RAPGEF6: variants seen among roughly 807,000 people sequenced by gnomAD.
RAPGEF6 encodes PDZ domain containing guanine nucleotide exchange factor (GEF) 2.
Under a neutral mutation model 171.4 loss-of-function variants are expected in RAPGEF6, and 56 were observed. The ratio of observed to expected loss-of-function variants is 0.33; its 90% CI spans 0.26 to 0.41. The LOEUF (loss-of-function observed/expected upper bound fraction) is 0.41. Among genes scored for constraint, RAPGEF6 ranks in the 10% least tolerant of loss-of-function variants. The pLI, the probability that RAPGEF6 is intolerant of heterozygous loss-of-function variation, is 1.00. For missense variants in RAPGEF6, 1,674 were observed against 1,921.4 expected, an observed-to-expected ratio of 0.87 and a Z score of 2.41; for synonymous variants, 692 against 650.1, an observed-to-expected ratio of 1.06 and a Z score of -0.98.
At chr5:131,515,369 A>T (rs1758004573) in intron 7 of RAPGEF6, among the ~76,000 whole-genome samples, 1 of 152,238 alleles carries the variant, frequency 6.6e-6, no homozygotes, top group Non-Finnish European at 1.5e-5. Flanking sequence ...GCAGGCAGGC[A>T]AAATCAAGTC....
At chr5:131,593,489 G>A (rs1561590138) in intron 3 of RAPGEF6, among the ~76,000 whole-genome samples, 5 of 152,168 alleles carry the variant, frequency 3.3e-5, no homozygotes, top group South Asian at 4.1e-4. Context: ...ACTGGGTAAC[G>A]GGCAGAGGCT....
At chr5:131,458,942 C>T (rs1166313317) in intron 19 of RAPGEF6, among the ~76,000 whole-genome samples, 2 of 152,172 alleles carry the variant, frequency 1.3e-5, no homozygotes, top group South Asian at 2.1e-4. Flanking sequence ...CGTGAGCCAC[C>T]GCGCCCAGAC....
Position 131,630,520 on chromosome 5 carries a change from T to C in RAPGEF6, c.69+4442A>G, listed in dbSNP as rs1766234475. On this transcript the variant is annotated intron_variant, in intron 1 of 27. Coordinates refer to ENST00000509018, the MANE Select transcript of RAPGEF6 (RefSeq NM_016340.6). ...TTAGTGCACTTAATTGTCCATGGAG[T>C]ATTTAAGTCTGAAATTTTCCATAAG... Among the ~76,000 whole-genome samples the C allele has an allele frequency of 2.6e-5, 4 of 152,262 alleles. No individual in the cohort carries two copies. The South Asian group carries it at 8.3e-4, about 32-fold the overall frequency.
At chr5:131,432,699 G>T (rs1460787505) in intron 25 of RAPGEF6, among the ~76,000 whole-genome samples, 3 of 148,946 alleles carry the variant, frequency 2.0e-5, no homozygotes, top group Non-Finnish European at 4.4e-5. Context: ...GTTGTCTATG[G>T]CTATTCTGGT....
chr5:131,570,942 CTT>C (rs767023216), intron 4 of RAPGEF6, among the ~76,000 whole-genome samples: 22 of 128,516 alleles, frequency 1.7e-4, no homozygotes, highest in African/African-American at 2.4e-4. Context: ...TCCCCAACTA[CTT>C]TTTTTTTTTT....
At chr5:131,594,716 C>T (rs1454062767) in intron 3 of RAPGEF6, among the ~76,000 whole-genome samples, 2 of 152,184 alleles carry the variant, frequency 1.3e-5, no homozygotes, top group African/African-American at 2.4e-5. Flanking sequence ...CTTGGGAGCC[C>T]ACCACTTGCC....
chr5:131,564,942 T>C (rs1392773689), intron 4 of RAPGEF6, among the ~76,000 whole-genome samples: 1 of 152,194 alleles, frequency 6.6e-6, no homozygotes, highest in African/African-American at 2.4e-5. Flanking sequence ...TTATAAAGTT[T>C]CCTCTCAATT....
chr5:131,467,230 G>A (rs1754419323), intron 17 of RAPGEF6, among the ~76,000 whole-genome samples: 1 of 152,216 alleles, frequency 6.6e-6, no homozygotes, highest in African/African-American at 2.4e-5. Flanking sequence ...GTGTTACAAA[G>A]TCATACGTTG....
intron 4 of RAPGEF6, among the ~76,000 whole-genome samples, chr5:131,570,865 AAAATTTAGAGCT>A (rs1199041155): frequency 2.0e-5 from 3 of 152,142 alleles, no homozygotes; most frequent in Non-Finnish European, 4.4e-5. Context: ...TCATCTATGA[AAAATTTAGAGCT>A]AAGATTACAG....
intron 6 of RAPGEF6, among the ~76,000 whole-genome samples, chr5:131,521,891 ACTCTCTCT>A (rs144983094): frequency 2.4e-5 from 3 of 123,574 alleles, no homozygotes; most frequent in Admixed American, 8.6e-5. Flanking sequence ...ACACACACAC[ACTCTCTCT>A]CTCTCTCACA....
At chr5:131,546,179 C>T (rs1191897962) in intron 6 of RAPGEF6, among the ~76,000 whole-genome samples, 1 of 152,192 alleles carries the variant, frequency 6.6e-6, no homozygotes, top group African/African-American at 2.4e-5. Flanking sequence ...AGTCAAAACA[C>T]ACTCTAGCTC....
intron 3 of RAPGEF6, 89 bp downstream of exon 3, chr5:131,603,182 A>G: frequency 3.1e-6 from 3 of 978,844 alleles, no homozygotes; most frequent in Non-Finnish European, 4.8e-6. Flanking sequence ...CTCTACATAA[A>G]TTGTCCCAGA....
chr5:131,525,987 C>T (rs1035404116), intron 6 of RAPGEF6, among the ~76,000 whole-genome samples: 5 of 152,098 alleles, frequency 3.3e-5, no homozygotes, highest in Non-Finnish European at 7.4e-5. Flanking sequence ...GCAACTTATC[C>T]CAGATCATAC....
chr5:131,526,317 A>G (rs969034296), intron 6 of RAPGEF6, among the ~76,000 whole-genome samples: 3 of 152,164 alleles, frequency 2.0e-5, no homozygotes, highest in African/African-American at 7.2e-5. Context: ...TGCCTTTCAC[A>G]TAATTATCTA....
intron 20 of RAPGEF6, 35 bp downstream of exon 20, chr5:131,455,766 A>C: frequency 1.3e-6 from 2 of 1,552,458 alleles, no homozygotes. Flanking sequence ...TAGATAAACC[A>C]TGTGGTAAAA....
chr5:131,471,383 G>A (rs1364968442), intron 17 of RAPGEF6, among the ~76,000 whole-genome samples: 1 of 152,108 alleles, frequency 6.6e-6, no homozygotes, highest in Non-Finnish European at 1.5e-5. Context: ...ATGTCCTGAG[G>A]TTTTTATTTA....
rs1754156682 is a variant in RAPGEF6 at position 131,464,231 on chromosome 5, A to G, written c.2290T>C (p.Tyr764His). The G allele has an allele frequency of 3.1e-6, 5 of 1,613,582 alleles. No individual in the cohort carries two copies. The highest frequency in any genetic ancestry group is 4.2e-6 in the Non-Finnish European group (5 of 1,179,712). The part of the protein sequence containing the change: ...RVFKVDQQSC[Y>H]IIISKDTTAK... ...GTGGTGTCTTTACTGATGATAATGTAGCAACTTTGCTGATCCACTTTGAAA... is the reference window on the plus strand; with the variant it reads ...GTGGTGTCTTTACTGATGATAATGTGGCAACTTTGCTGATCCACTTTGAAA... Residue 764 changes from tyrosine (Y) to histidine (H), a missense_variant, in exon 18 of 28, where the codon TAC becomes CAC. This residue lies in a region of RAPGEF6 where 1,116 missense variants were observed against 1,321.5 expected (regional missense o/e 0.84). Transcript: ENST00000509018.
At chr5:131,490,711 A>G (rs1477361265) in intron 14 of RAPGEF6, among the ~76,000 whole-genome samples, 3 of 152,206 alleles carry the variant, frequency 2.0e-5, no homozygotes, top group African/African-American at 7.2e-5. Flanking sequence ...TATCTTCAGG[A>G]AGGCAAGAAC....
intron 1 of RAPGEF6, among the ~76,000 whole-genome samples, chr5:131,611,570 G>A (rs748216644): frequency 2.6e-5 from 4 of 152,150 alleles, no homozygotes; most frequent in African/African-American, 4.8e-5. Context: ...TACTCAGGAG[G>A]CTCAGGCACA....
Sources: allele counts gnomAD v4.1 joint callset (sites outside exome capture counted in the v4.1 genomes callset), GRCh38; gene constraint gnomAD v4.1.1; regional missense constraint gnomAD v4.1.1; transcripts MANE v1.5; gene names NCBI Gene and HGNC (gene_info 2026-07-23, HGNC 2026-07-21).